SFTPD: variants seen among roughly 807,000 people sequenced by gnomAD.
SFTPD encodes surfactant protein D.
SFTPD carries 18 observed loss-of-function variants against 34.6 expected under a neutral mutation model. The ratio of observed to expected loss-of-function variants is 0.52; its 90% CI spans 0.36 to 0.77. The LOEUF is 0.77. Ranked by LOEUF, SFTPD falls within the 30% of genes least tolerant of loss-of-function variation. The pLI is 0.00. For missense variants in SFTPD, 433 were observed against 468.9 expected, an observed-to-expected ratio of 0.92 and a Z score of 0.71; for synonymous variants, 155 against 180.9, an observed-to-expected ratio of 0.86 and a Z score of 1.15.
At position 79,946,546 on chromosome 10, in the gene SFTPD, G is replaced by A; in HGVS notation, c.114C>T (p.Val38=). The A allele has an allele frequency of 6.2e-7, 1 of 1,614,196 alleles. No homozygotes were observed. Among genetic ancestry groups the A allele is most frequent in the Non-Finnish European group, 8.5e-7 (1 of 1,180,018 alleles). ...GGCCACTCTCCACTGAGCTACACAT[G>A]ACCAGGGTGCAAGCACTGGGCATTG... ...HRTMPSACTL[V]MCSSVESGLP... Residue 38 remains valine (V), a synonymous_variant, in exon 2 of 8, where the codon GTC becomes GTT. Coordinates refer to ENST00000372292, the MANE Select transcript of SFTPD (RefSeq NM_003019.5).
chr10:79,969,416 G>A (rs1306599259), intron 1 of SFTPD: 2 of 150,764 alleles, frequency 1.3e-5, no homozygotes, highest in African/African-American at 2.4e-5. Flanking sequence ...GGAGGTTGCA[G>A]TGAGCTGAGA....
intron 1 of SFTPD, among the ~76,000 whole-genome samples, chr10:79,954,457 G>C (rs1455282246): frequency 6.6e-6 from 1 of 152,204 alleles, no homozygotes; most frequent in Non-Finnish European, 1.5e-5. Flanking sequence ...ACACATTTGA[G>C]CAGGCCTATT....
Position 79,940,739 on chromosome 10 carries a change from C to T in SFTPD, c.717G>A (p.Gln239=). ...QQVEALQGQV[Q]HLQAAFSQYK... is the part of the protein sequence containing the mutation. ...ACTGAGAGAAAGCAGCCTGGAGGTG[C>T]TGTACTTGTCCCTGTAAGGCCTCAA... Residue 239 remains glutamine (Q), a synonymous_variant, in exon 7 of 8, where the codon CAG becomes CAA. Transcript: ENST00000372292. 1 of 1,612,002 alleles carries T rather than the reference C, an allele frequency of 6.2e-7. No individual in the cohort carries two copies. Among genetic ancestry groups the T allele is most frequent in the East Asian group, 2.2e-5 (1 of 44,846 alleles).
intron 1 of SFTPD, among the ~76,000 whole-genome samples, chr10:79,964,222 T>C (rs1842790732): frequency 6.6e-6 from 1 of 152,206 alleles, no homozygotes; most frequent in African/African-American, 2.4e-5. Context: ...CATACTGTTA[T>C]ATGGGCAGAA....
In SFTPD at chr10:79,957,907, C is replaced by T. The variant is rs560969478; in HGVS notation, c.37-11245G>A. 7.0e-4 allele frequency among the ~76,000 whole-genome samples: 106 copies of T among 152,268 alleles called. No individual in the cohort carries two copies. The South Asian group carries it at 0.012, about 18-fold the overall frequency. On this transcript the variant is annotated intron_variant, in intron 1 of 5. Coordinates refer to the SFTPD transcript ENST00000444384. ...GTTAAGGACAGCCAGAGAGAAAGGT[C>T]GGGTTACCCACAACGGGAAGCCCAT...
At chr10:79,978,582 G>T (rs952412045) in intron 1 of SFTPD, among the ~76,000 whole-genome samples, 68 of 147,584 alleles carry the variant, frequency 4.6e-4, no homozygotes, top group Admixed American at 2.8e-4. Context: ...TGCCTGGGAG[G>T]TTGAGGCTGC....
chr10:79,960,828 G>T (rs1056617492), intron 1 of SFTPD, among the ~76,000 whole-genome samples: 1 of 152,174 alleles, frequency 6.6e-6, no homozygotes, highest in Non-Finnish European at 1.5e-5. Context: ...AAAAGAGGCT[G>T]CATTGCCAAG....
At chr10:79,948,591 TTAAAG>T (rs549450818) in intron 1 of SFTPD, among the ~76,000 whole-genome samples, 199 of 152,244 alleles carry the variant, frequency 1.3e-3, no homozygotes, top group Non-Finnish European at 2.5e-3. Context: ...AGTATATTTT[TTAAAG>T]TAAAGACCTG....
At chr10:79,973,617 C>CAAAA (rs5786429) in intron 1 of SFTPD, among the ~76,000 whole-genome samples, 9 of 90,610 alleles carry the variant, frequency 9.9e-5, no homozygotes, top group African/African-American at 3.2e-4. Context: ...GACTCTGTCT[C>CAAAA]AAAAAAAAAA....
chr10:79,938,374 T>C, intron 7 of SFTPD, 146 bp from the exon 8 acceptor site: 1 of 722,132 alleles, frequency 1.4e-6, no homozygotes, highest in Non-Finnish European at 2.2e-6. Context: ...CAAGAGAGAT[T>C]GTTCCAGAAC....
chr10:79,974,230 C>T (rs1207186180), intron 1 of SFTPD, among the ~76,000 whole-genome samples: 7 of 152,060 alleles, frequency 4.6e-5, no homozygotes, highest in East Asian at 1.9e-4. Flanking sequence ...TGCAGTGGCA[C>T]GATCTCGGCT....
At chr10:79,971,921 A>G (rs538913601) in intron 1 of SFTPD, 1 of 152,222 alleles carries the variant, frequency 6.6e-6, no homozygotes, top group East Asian at 1.9e-4. Flanking sequence ...ATTTTGTTTA[A>G]TAGGTTTTCT....
At chr10:79,969,895 A>ATATT (rs925816237) in intron 1 of SFTPD, 95 of 152,248 alleles carry the variant, frequency 6.2e-4, no homozygotes, top group African/African-American at 2.1e-3. Flanking sequence ...TGAAGTAATC[A>ATATT]TATTTGTCTA....
chr10:79,977,241 C>A (rs987050981), intron 1 of SFTPD, among the ~76,000 whole-genome samples: 3 of 151,968 alleles, frequency 2.0e-5, no homozygotes, highest in Non-Finnish European at 4.4e-5. Flanking sequence ...CAATTAGTGA[C>A]CCTCAATCAA....
At chr10:79,954,312 G>A (rs774555020) in intron 1 of SFTPD, among the ~76,000 whole-genome samples, 1 of 152,236 alleles carries the variant, frequency 6.6e-6, no homozygotes, top group Non-Finnish European at 1.5e-5. Context: ...ATTCTGGGTA[G>A]GTTGGCTGAT....
Position 79,941,438 on chromosome 10 carries a change from A to C in SFTPD, c.627T>G (p.Ile209Met). The C allele has an allele frequency of 6.2e-7, 1 of 1,613,960 alleles. No individual in the cohort carries two copies. Among genetic ancestry groups the C allele is most frequent in the South Asian group, 1.1e-5 (1 of 91,068 alleles). ...CTCCCTTTGCTCCTTTGTCTCCAGG[A>C]ATGCCTTTGTCCCCCTTCAATCCCG... is the stretch of plus-strand genomic sequence containing the variant. Reference protein sequence around the residue: ...GPPGLKGDKGIPGDKGAKGES... With the variant: ...GPPGLKGDKGMPGDKGAKGES... Residue 209 changes from isoleucine (I) to methionine (M), a missense_variant, in exon 6 of 8, where the codon ATT becomes ATG. Transcript: ENST00000372292.
At chr10:79,939,212 G>A (rs1842587811) in intron 7 of SFTPD, among the ~76,000 whole-genome samples, 1 of 152,196 alleles carries the variant, frequency 6.6e-6, no homozygotes, top group South Asian at 2.1e-4. Flanking sequence ...TTTTTAGTCT[G>A]TCTTTGTGGC....
chr10:79,953,207 T>C (rs568274785), upstream of SFTPD, among the ~76,000 whole-genome samples: 1 of 152,372 alleles, frequency 6.6e-6, no homozygotes, highest in South Asian at 2.1e-4. Flanking sequence ...GTCTTTATAA[T>C]TACTTTTACC....
rs779874748 is a variant in SFTPD, at chr10:79,942,412, G to A, written c.409C>T (p.Pro137Ser). The part of the protein sequence containing the change: ...GNIGPQGKPG[P>S]KGEAGPKGEV... ...CCTTTGGGCCCAGCTTCTCCTTTTG[G>A]GCCTGGCTTGCCCTGAGGTCCTATG... Residue 137 changes from proline to serine, a missense_variant, in exon 4 of 8, where the codon CCA becomes TCA. Pro to Ser is a moderately conservative substitution (Grantham distance 74). Coordinates refer to ENST00000372292, the MANE Select transcript of SFTPD (RefSeq NM_003019.5). The A allele has an allele frequency of 3.1e-6, 5 of 1,612,302 alleles. No homozygotes were observed. The South Asian group carries it at 5.5e-5, about 18-fold the overall frequency.
Sources: gnomAD v4.1 joint callset for allele counts (sites outside exome capture counted in the v4.1 genomes callset) on GRCh38, gnomAD v4.1.1 for gene constraint, MANE v1.5 for transcripts, NCBI Gene and HGNC (gene_info 2026-07-23, HGNC 2026-07-21) for gene names.